SLC24A3: variants seen among roughly 807,000 people sequenced by gnomAD.
SLC24A3 encodes the protein solute carrier family 24 member 3, also known as sodium/potassium/calcium exchanger 3.
SLC24A3 carries 28 observed loss-of-function variants against 75.8 expected under a neutral mutation model. The observed-to-expected ratio is 0.37, with a 90% CI of 0.27 to 0.51. SLC24A3 has a LOEUF of 0.51. SLC24A3 is among the 20% of genes least tolerant of loss of function. The pLI, the probability that SLC24A3 is intolerant of heterozygous loss-of-function variation, is 0.94. For missense variants in SLC24A3, 663 were observed against 847.8 expected (o/e 0.78, Z 2.71); for synonymous variants, 372 against 334.1 (o/e 1.11, Z -1.24).
At chr20:19,610,984 C>T (rs1232296552) in intron 6 of SLC24A3, among the ~76,000 whole-genome samples, 1 of 152,242 alleles carries the variant, frequency 6.6e-6, no homozygotes, top group Non-Finnish European at 1.5e-5. Context: ...CTGTATCTGC[C>T]ACACACCACA....
chr20:19,295,902 C>G (rs1224507932), intron 2 of SLC24A3, among the ~76,000 whole-genome samples: 1 of 152,020 alleles, frequency 6.6e-6, no homozygotes, highest in Non-Finnish European at 1.5e-5. Context: ...CCCTCCTTCT[C>G]AATTGTTTGG....
At chr20:19,715,317 C>T (rs1361710784) in intron 15 of SLC24A3, among the ~76,000 whole-genome samples, 1 of 152,186 alleles carries the variant, frequency 6.6e-6, no homozygotes, top group Non-Finnish European at 1.5e-5. Flanking sequence ...AAAGTCTATC[C>T]GCAGTCAGGT....
intron 2 of SLC24A3, among the ~76,000 whole-genome samples, chr20:19,472,388 G>A (rs1202849572): frequency 1.3e-5 from 2 of 152,224 alleles, no homozygotes; most frequent in Non-Finnish European, 2.9e-5. Flanking sequence ...ACCTTCCAGA[G>A]AAACTGGGCT....
chr20:19,282,176 A>G (rs2122225521), intron 2 of SLC24A3, among the ~76,000 whole-genome samples: 1 of 152,206 alleles, frequency 6.6e-6, no homozygotes, highest in East Asian at 1.9e-4. Flanking sequence ...TCTGCGATCT[A>G]TTGGGAAGAT....
At chr20:19,665,797 G>A (rs1276104484) in intron 7 of SLC24A3, 67 bp from the exon 8 acceptor site, 68 of 646,916 alleles carry the variant, frequency 1.1e-4, no homozygotes, top group Admixed American at 5.3e-4. Context: ...TAAAGCGTGT[G>A]TGTGTGTGTG....
At chr20:19,267,931 G>C (rs1428811032) in intron 1 of SLC24A3, among the ~76,000 whole-genome samples, 1 of 152,126 alleles carries the variant, frequency 6.6e-6, no homozygotes. Flanking sequence ...TTATGAGAGA[G>C]AAATGCATAA....
At position 19,635,906 on chromosome 20, in the gene SLC24A3, C is replaced by T. The variant is rs555557390; in HGVS notation, c.613-18156C>T. ...CTGTAATCCCAGCACTTTGGGAGGC[C>T]GAGATGGGTGGATCACAAGGTCAGG... On this transcript the variant is annotated intron_variant, in intron 6 of 16. Coordinates refer to ENST00000328041, the MANE Select transcript of SLC24A3 (RefSeq NM_020689.4). Among the ~76,000 whole-genome samples the T allele has an allele frequency of 1.1e-4, 16 of 152,190 alleles. No individual in the cohort carries two copies. The South Asian group carries it at 2.9e-3, about 28-fold the overall frequency.
chr20:19,446,254 A>G (rs1400787788), intron 2 of SLC24A3, among the ~76,000 whole-genome samples: 3 of 152,232 alleles, frequency 2.0e-5, no homozygotes, highest in Admixed American at 6.5e-5. Flanking sequence ...AAACATGGAA[A>G]AGCACGAGAG....
chr20:19,284,263 C>A (rs759751531), intron 2 of SLC24A3: 2 of 152,720 alleles, frequency 1.3e-5, no homozygotes, highest in Non-Finnish European at 2.9e-5. Context: ...TAATATTCAT[C>A]TTCTCTGCCT....
intron 3 of SLC24A3, among the ~76,000 whole-genome samples, chr20:19,565,332 C>T (rs2030938204): frequency 1.3e-5 from 2 of 152,058 alleles, no homozygotes; most frequent in South Asian, 4.2e-4. Context: ...CTTCAATGAA[C>T]TACCTTAGGC....
chr20:19,343,157 G>C (rs1238416363), intron 2 of SLC24A3, among the ~76,000 whole-genome samples: 1 of 152,066 alleles, frequency 6.6e-6, no homozygotes, highest in African/African-American at 2.4e-5. Context: ...TGGAGGCATG[G>C]AGTAGTGAAA....
At position 19,216,638 on chromosome 20, in the gene SLC24A3, A is replaced by C. The variant is rs576444540; in HGVS notation, c.142+3654A>C. On this transcript the variant is annotated intron_variant, in intron 1 of 16. Transcript: ENST00000328041. ...ACAGAAAAAAAGGAAAAAAAGAAAA[A>C]AATTACACACACATGCATGTACATA... 1.1e-4 allele frequency among the ~76,000 whole-genome samples: 16 copies of C among 152,158 alleles called. No individual in the cohort carries two copies. The South Asian group carries it at 3.3e-3, about 32-fold the overall frequency.
chr20:19,511,451 C>T (rs1010609930), intron 2 of SLC24A3, among the ~76,000 whole-genome samples: 4 of 152,068 alleles, frequency 2.6e-5, no homozygotes, highest in African/African-American at 9.7e-5. Flanking sequence ...CCTCAGCCTC[C>T]CAGGTAGCTG....
intron 7 of SLC24A3, among the ~76,000 whole-genome samples, chr20:19,662,079 G>A (rs187903265): frequency 2.6e-5 from 4 of 152,166 alleles, no homozygotes; most frequent in East Asian, 3.9e-4. Flanking sequence ...ACCTCAGGGC[G>A]AAGCCAAGGG....
chr20:19,503,008 C>A, intron 2 of SLC24A3, among the ~76,000 whole-genome samples: 1 of 144,572 alleles, frequency 6.9e-6, no homozygotes, highest in African/African-American at 2.6e-5. Flanking sequence ...GCCCTGGCAA[C>A]AGAGTGAGAC....
intron 2 of SLC24A3, among the ~76,000 whole-genome samples, chr20:19,341,210 G>A (rs541104973): frequency 6.6e-6 from 1 of 152,354 alleles, no homozygotes; most frequent in South Asian, 2.1e-4. Flanking sequence ...AACCAGCAAA[G>A]CATTTTAGGT....
intron 1 of SLC24A3, among the ~76,000 whole-genome samples, chr20:19,242,886 A>G (rs1018758477): frequency 2.6e-5 from 4 of 152,246 alleles, no homozygotes; most frequent in Non-Finnish European, 4.4e-5. Context: ...AAAAGAGCTC[A>G]AATGCAATGA....
chr20:19,564,113 C>T (rs1397067929), intron 3 of SLC24A3, among the ~76,000 whole-genome samples: 1 of 152,186 alleles, frequency 6.6e-6, no homozygotes, highest in Non-Finnish European at 1.5e-5. Flanking sequence ...CAAACAGGAC[C>T]TCTAGCCAGC....
At chr20:19,610,218 T>C (rs1417979939) in intron 6 of SLC24A3, among the ~76,000 whole-genome samples, 1 of 152,244 alleles carries the variant, frequency 6.6e-6, no homozygotes, top group African/African-American at 2.4e-5. Context: ...CTTTTATTTT[T>C]CTTTTTGGTT....
Sources: gnomAD v4.1 joint callset for allele counts (sites outside exome capture counted in the v4.1 genomes callset) on GRCh38, gnomAD v4.1.1 for gene constraint, MANE v1.5 for transcripts, NCBI Gene and HGNC (gene_info 2026-07-23, HGNC 2026-07-21) for gene names.